Variants in WWOX observed in about 807,000 individuals in gnomAD.
WWOX encodes the protein WW domain-containing oxidoreductase.
In WWOX, 69 loss-of-function variants were observed where a neutral mutation model predicts 46.2. The observed-to-expected ratio is 1.49, with a 90% confidence interval of 1.23 to 1.82. The LOEUF (loss-of-function observed/expected upper bound fraction) is 1.82. Ranked by LOEUF, WWOX falls within the 40% of genes most tolerant of loss-of-function variation. WWOX has a pLI of 0.00. For missense variants in WWOX, 919 were observed against 542.6 expected (o/e 1.69, Z -6.89); for synonymous variants, 359 against 202.6 (o/e 1.77, Z -6.56).
At chr16:79,188,155 C>G (rs757796551) in intron 8 of WWOX, among the ~76,000 whole-genome samples, 3 of 152,132 alleles carry the variant, frequency 2.0e-5, no homozygotes, top group Admixed American at 6.5e-5. Context: ...AGAAAACCCA[C>G]GAAGTCTTGA....
At chr16:78,749,615 A>C (rs1490881517) in intron 8 of WWOX, among the ~76,000 whole-genome samples, 2 of 152,344 alleles carry the variant, frequency 1.3e-5, no homozygotes, top group South Asian at 4.1e-4. Context: ...TTGGAGGATA[A>C]GGAAGCATGA....
At chr16:79,129,754 G>A (rs1567569980) in intron 8 of WWOX, among the ~76,000 whole-genome samples, 2 of 152,086 alleles carry the variant, frequency 1.3e-5, no homozygotes, top group Non-Finnish European at 2.9e-5. Flanking sequence ...TTCAATCCAT[G>A]CATTGAATTA....
At chr16:78,755,717 T>A (rs2049628345) in intron 8 of WWOX, among the ~76,000 whole-genome samples, 1 of 152,080 alleles carries the variant, frequency 6.6e-6, no homozygotes, top group Non-Finnish European at 1.5e-5. Context: ...TTTTGATAGT[T>A]CAGTACCCGC....
chr16:78,892,243 C>T (rs1196562230), intron 8 of WWOX: 5 of 152,096 alleles, frequency 3.3e-5, no homozygotes, highest in Non-Finnish European at 1.5e-5. Context: ...AACCCTAGCT[C>T]CTCTTTAATC....
At chr16:78,878,485 C>G (rs1333834654) in intron 8 of WWOX, among the ~76,000 whole-genome samples, 1 of 152,048 alleles carries the variant, frequency 6.6e-6, no homozygotes, top group Admixed American at 6.6e-5. Context: ...GGGGGAGCAT[C>G]AAATGAAATA....
chr16:79,002,357 G>T (rs2047110600), intron 8 of WWOX, among the ~76,000 whole-genome samples: 1 of 151,564 alleles, frequency 6.6e-6, no homozygotes, highest in African/African-American at 2.4e-5. Flanking sequence ...CTGAGTAGCT[G>T]GGATAACAGG....
rs780345312 is a variant in WWOX, at chr16:78,099,827, G to A, written c.49G>A (p.Glu17Lys). Residue 17 changes from glutamate to lysine, a missense_variant, in exon 1 of 9, where the codon GAG (glutamate) becomes AAG (lysine). Transcript: ENST00000566780. ...GCTGGACGACACGGACAGTGAGGAC[G>A]AGCTGCCTCCGGGCTGGGAGGAGAG... ...AGLDDTDSED[E>K]LPPGWEERTT... is the part of the protein sequence containing the mutation. The A allele has an allele frequency of 1.0e-4, 164 of 1,581,570 alleles. No homozygotes were observed. The highest frequency in any genetic ancestry group is 1.4e-4 in the Non-Finnish European group (158 of 1,164,948).
chr16:78,891,911 A>C (rs577214116), intron 8 of WWOX: 2 of 152,278 alleles, frequency 1.3e-5, no homozygotes, highest in East Asian at 3.9e-4. Flanking sequence ...GGTTTTCCGG[A>C]GTTTGCTTCA....
intron 5 of WWOX, chr16:78,278,834 C>G (rs2079627369): frequency 1.6e-6 from 1 of 626,694 alleles, no homozygotes; most frequent in Non-Finnish European, 2.7e-6. Flanking sequence ...TGCAGTTATG[C>G]TTTACGACTC....
At chr16:78,578,344 C>T (rs1355743469) in intron 8 of WWOX, among the ~76,000 whole-genome samples, 1 of 120,320 alleles carries the variant, frequency 8.3e-6, no homozygotes, top group Non-Finnish European at 1.6e-5. Flanking sequence ...GGCTGGAGTG[C>T]AGTGGCGCAA....
At chr16:78,335,964 C>T (rs1300612008) in intron 5 of WWOX, among the ~76,000 whole-genome samples, 1 of 151,990 alleles carries the variant, frequency 6.6e-6, no homozygotes, top group African/African-American at 2.4e-5. Context: ...TAGTGGTGCA[C>T]ACCTGTAGTC....
At chr16:78,775,051 G>T (rs753575273) in intron 8 of WWOX, among the ~76,000 whole-genome samples, 2 of 152,114 alleles carry the variant, frequency 1.3e-5, no homozygotes, top group Non-Finnish European at 2.9e-5. Context: ...CACTCCTGAG[G>T]GTGGGGAGCC....
intron 8 of WWOX, among the ~76,000 whole-genome samples, chr16:79,113,721 T>C (rs1483768929): frequency 1.3e-5 from 2 of 149,954 alleles, no homozygotes. Context: ...AGGCAAGTCC[T>C]GAGGGCTCGG....
chr16:78,437,255 G>A (rs562224141), intron 8 of WWOX, among the ~76,000 whole-genome samples: 3 of 152,230 alleles, frequency 2.0e-5, no homozygotes, highest in Admixed American at 1.3e-4. Flanking sequence ...CTGTGACTAC[G>A]GTGATTTTAG....
intron 8 of WWOX, among the ~76,000 whole-genome samples, chr16:79,190,628 A>G (rs2051116648): frequency 6.6e-6 from 1 of 152,190 alleles, no homozygotes; most frequent in South Asian, 2.1e-4. Context: ...CAGAAGATGA[A>G]CTAGTTGGTG....
chr16:78,610,355 C>G (rs1442291807), intron 8 of WWOX, among the ~76,000 whole-genome samples: 2 of 152,114 alleles, frequency 1.3e-5, no homozygotes, highest in Non-Finnish European at 2.9e-5. Context: ...CATTACTATT[C>G]ATGTGTAAGA....
intron 6 of WWOX, among the ~76,000 whole-genome samples, chr16:78,410,936 A>G (rs954252144): frequency 2.6e-5 from 4 of 152,136 alleles, no homozygotes; most frequent in Non-Finnish European, 4.4e-5. Context: ...TGAAAGCTAT[A>G]ATTCCTGACT....
At chr16:79,167,900 T>C (rs979358780) in intron 8 of WWOX, among the ~76,000 whole-genome samples, 1 of 152,182 alleles carries the variant, frequency 6.6e-6, no homozygotes, top group Non-Finnish European at 1.5e-5. Context: ...CACTGCCCCA[T>C]TCCCTTCTTC....
chr16:78,546,796 G>A (rs1182753125), intron 8 of WWOX, among the ~76,000 whole-genome samples: 1 of 152,048 alleles, frequency 6.6e-6, no homozygotes, highest in Non-Finnish European at 1.5e-5. Flanking sequence ...ACCAGAGAGA[G>A]CCTAGAAAAC....
Sources: gnomAD v4.1 joint callset for allele counts (sites outside exome capture counted in the v4.1 genomes callset) on GRCh38, gnomAD v4.1.1 for gene constraint, MANE v1.5 for transcripts, NCBI Gene and HGNC (gene_info 2026-07-23, HGNC 2026-07-21) for gene names.